The following ATP8A1 variants were observed in gnomAD, a reference collection of about 807,000 sequenced individuals.
ATP8A1 encodes the protein ATPase phospholipid transporting 8A1.
ATP8A1 carries 90 observed loss-of-function variants against 177.7 expected under a neutral mutation model. The ratio of observed to expected loss-of-function variants is 0.51; its 90% CI spans 0.43 to 0.60. ATP8A1 has a LOEUF of 0.60. ATP8A1 is among the 20% of genes least tolerant of loss of function. The pLI, the probability that ATP8A1 is intolerant of heterozygous loss-of-function variation, is 0.00. For missense variants in ATP8A1, 1,072 were observed against 1,392.8 expected, an observed-to-expected ratio of 0.77 and a Z score of 3.67; for synonymous variants, 493 against 485.9, an observed-to-expected ratio of 1.01 and a Z score of -0.19.
intron 4 of ATP8A1, among the ~76,000 whole-genome samples, chr4:42,619,583 T>C (rs1737254584): frequency 6.6e-6 from 1 of 151,328 alleles, no homozygotes; most frequent in Admixed American, 6.6e-5. Context: ...TGCAGGCAAT[T>C]CTTACTATAT....
At chr4:42,466,824 A>G (rs1027394998) in intron 25 of ATP8A1, among the ~76,000 whole-genome samples, 2 of 152,244 alleles carry the variant, frequency 1.3e-5, no homozygotes, top group Non-Finnish European at 2.9e-5. Context: ...AGGCTAATAT[A>G]AACTGGTAAG....
intron 27 of ATP8A1, among the ~76,000 whole-genome samples, chr4:42,457,144 A>G (rs1718571832): frequency 6.6e-6 from 1 of 152,224 alleles, no homozygotes; most frequent in African/African-American, 2.4e-5. Flanking sequence ...TGCTACACAT[A>G]TTTATGGAAA....
intron 1 of ATP8A1, among the ~76,000 whole-genome samples, chr4:42,646,166 G>A (rs1335462044): frequency 6.6e-6 from 1 of 152,196 alleles, no homozygotes; most frequent in African/African-American, 2.4e-5. Context: ...CAGAAACCTT[G>A]GTAGGCCTGG....
chr4:42,654,981 T>C (rs1741476881), intron 1 of ATP8A1, among the ~76,000 whole-genome samples: 1 of 152,234 alleles, frequency 6.6e-6, no homozygotes, highest in African/African-American at 2.4e-5. Context: ...AGAGTCATTA[T>C]TTGTCTTCAC....
intron 25 of ATP8A1, among the ~76,000 whole-genome samples, chr4:42,474,981 T>C (rs1336294809): frequency 6.6e-6 from 1 of 152,084 alleles, no homozygotes; most frequent in Non-Finnish European, 1.5e-5. Flanking sequence ...ATAGCAACAA[T>C]TATAATAACA....
intron 6 of ATP8A1, among the ~76,000 whole-genome samples, chr4:42,596,008 G>A (rs1169692923): frequency 1.3e-5 from 2 of 152,180 alleles, no homozygotes; most frequent in African/African-American, 4.8e-5. Flanking sequence ...GTTCTTTACT[G>A]TAAGGAAAGT....
chr4:42,427,854 G>A (rs970202788), intron 33 of ATP8A1, among the ~76,000 whole-genome samples: 9 of 152,290 alleles, frequency 5.9e-5, no homozygotes, highest in African/African-American at 1.9e-4. Flanking sequence ...TTTAAACCCA[G>A]GTTTCCTAAA....
At chr4:42,467,471 ATCACGAGG>A (rs1381957156) in intron 25 of ATP8A1, among the ~76,000 whole-genome samples, 1 of 152,152 alleles carries the variant, frequency 6.6e-6, no homozygotes, top group Non-Finnish European at 1.5e-5. Flanking sequence ...AGGTGAGCGG[ATCACGAGG>A]TCAGGAGATC....
At chr4:42,468,541 G>C (rs533315466) in intron 25 of ATP8A1, among the ~76,000 whole-genome samples, 14 of 152,106 alleles carry the variant, frequency 9.2e-5, no homozygotes, top group Non-Finnish European at 1.9e-4. Flanking sequence ...AACCTGGATG[G>C]AACTGAAGAC....
At chr4:42,548,353 G>C (rs938158274) in intron 19 of ATP8A1, among the ~76,000 whole-genome samples, 1 of 152,114 alleles carries the variant, frequency 6.6e-6, no homozygotes, top group Non-Finnish European at 1.5e-5. Flanking sequence ...ACGCATGGCC[G>C]TATACGCTGG....
intron 15 of ATP8A1, among the ~76,000 whole-genome samples, chr4:42,564,256 C>A (rs1010084884): frequency 6.6e-6 from 1 of 152,094 alleles, no homozygotes; most frequent in Non-Finnish European, 1.5e-5. Context: ...GGGTCAGAGC[C>A]CCCCCCAACA....
chr4:42,531,343 A>G (rs1034938498), intron 20 of ATP8A1, among the ~76,000 whole-genome samples: 1 of 151,190 alleles, frequency 6.6e-6, no homozygotes, highest in Non-Finnish European at 1.5e-5. Flanking sequence ...GCAAAGGGAA[A>G]ACAGAATGGG....
At chr4:42,635,814 CAT>C (rs1739278717) in intron 1 of ATP8A1, among the ~76,000 whole-genome samples, 2 of 33,594 alleles carry the variant, frequency 6.0e-5, no homozygotes, top group African/African-American at 1.7e-4. Flanking sequence ...TATATATACA[CAT>C]GTATGTATGT....
intron 12 of ATP8A1, among the ~76,000 whole-genome samples, chr4:42,577,199 GCTTA>G (rs1732553841): frequency 6.6e-6 from 1 of 152,124 alleles, no homozygotes; most frequent in Non-Finnish European, 1.5e-5. Context: ...TGATTATCTA[GCTTA>G]CTTATGTGAT....
Position 42,409,233 on chromosome 4 carries a change from C to T in ATP8A1, c.*3683G>A, listed in dbSNP as rs192273205. 2 of 152,298 alleles carry T rather than the reference C, an allele frequency of 1.3e-5. No homozygotes were observed. Among genetic ancestry groups the T allele is most frequent in the East Asian group, 3.9e-4 (2 of 5,190 alleles). The allele number at this position is 152,298 out of a possible 1,614,324, so 9.4% of individuals were successfully genotyped here. ...GCAAACCATAAACCTATCAAAAACA[C>T]AGCTGTTCTCATACAGAAAGTAAAT... On this transcript the variant is annotated 3_prime_UTR_variant, in exon 37 of 37. Transcript: ENST00000381668.
chr4:42,548,358 C>A (rs73165776), intron 19 of ATP8A1, among the ~76,000 whole-genome samples: 2,227 of 152,224 alleles, frequency 0.015, 40 homozygotes, highest in African/African-American at 0.051. Flanking sequence ...TGGCCGTATA[C>A]GCTGGGCTTG....
chr4:42,555,127 ATCT>A (rs1261728812), intron 16 of ATP8A1, among the ~76,000 whole-genome samples: 2,929 of 90,494 alleles, frequency 0.032, 24 homozygotes, highest in Non-Finnish European at 0.035. Context: ...CTATCTATCT[ATCT>A]ATCTATCTAA....
At chr4:42,516,899 G>A (rs923523833) in intron 22 of ATP8A1, among the ~76,000 whole-genome samples, 1 of 152,138 alleles carries the variant, frequency 6.6e-6, no homozygotes, top group African/African-American at 2.4e-5. Flanking sequence ...TAAAGTGACA[G>A]ATCAAAGGTG....
At chr4:42,578,068 T>C (rs1577629582) in intron 12 of ATP8A1, among the ~76,000 whole-genome samples, 192 bp downstream of exon 12, 1 of 152,184 alleles carries the variant, frequency 6.6e-6, no homozygotes, top group East Asian at 1.9e-4. Context: ...AGACCCATTT[T>C]CCCTACAATG....
Sources: gnomAD v4.1 joint callset for allele counts (sites outside exome capture counted in the v4.1 genomes callset) on GRCh38, gnomAD v4.1.1 for gene constraint, MANE v1.5 for transcripts, NCBI Gene and HGNC (gene_info 2026-07-23, HGNC 2026-07-21) for gene names.